NTM: variants seen among roughly 807,000 people sequenced by gnomAD.
NTM encodes IgLON family member 2.
A neutral mutation model predicts 42.1 loss-of-function variants in NTM; 13 were observed. That is an observed-to-expected ratio of 0.31 (90% CI 0.20 to 0.49). The LOEUF (loss-of-function observed/expected upper bound fraction) is 0.49. Among genes scored for constraint, NTM ranks in the 20% least tolerant of loss-of-function variants. The probability of loss-of-function intolerance (pLI) is 0.99; values close to 1 mark genes in which losing one functional copy is unlikely to be tolerated. For missense variants in NTM, 373 were observed against 452.8 expected, an observed-to-expected ratio of 0.82 and a Z score of 1.60; for synonymous variants, 187 against 179.2, an observed-to-expected ratio of 1.04 and a Z score of -0.35.
At chr11:131,750,912 G>T (rs982301400) in intron 1 of NTM, among the ~76,000 whole-genome samples, 1 of 152,074 alleles carries the variant, frequency 6.6e-6, no homozygotes, top group African/African-American at 2.4e-5. Context: ...CTCCTCCCCT[G>T]CCTCGGTGTT....
intron 1 of NTM, among the ~76,000 whole-genome samples, chr11:131,533,514 A>G (rs2136691899): frequency 6.6e-6 from 1 of 152,302 alleles, no homozygotes; most frequent in Non-Finnish European, 1.5e-5. Flanking sequence ...TGACTCAATC[A>G]GGAAAAGCAA....
At chr11:132,202,277 T>C (rs1218651080) in intron 3 of NTM, among the ~76,000 whole-genome samples, 1 of 152,108 alleles carries the variant, frequency 6.6e-6, no homozygotes, top group African/African-American at 2.4e-5. Flanking sequence ...ACGGTGAGGA[T>C]TTACAAGGGA....
chr11:132,335,383 T>C lies in NTM; in HGVS notation c.*237T>C. 2.1e-6 allele frequency: 1 copy of C among 484,848 alleles called. No individual in the cohort carries two copies. Among genetic ancestry groups the C allele is most frequent in the South Asian group, 2.3e-5 (1 of 44,440 alleles). The allele number at this position is 484,848 out of a possible 1,614,324, so 30.0% of individuals were successfully genotyped here. A position where few individuals can be genotyped will look rare whatever the true frequency, so the allele number is the denominator to read the frequency against. ...ATTTAGGTACAATGGAGTTTTCTTT[T>C]CCCAAACGGGAAGAACACAGCACAC... is the stretch of plus-strand genomic sequence containing the variant. On this transcript the variant is annotated 3_prime_UTR_variant, in exon 9 of 9. Coordinates refer to ENST00000683400, the MANE Select transcript of NTM (RefSeq NM_001352005.2).
chr11:132,108,580 T>C (rs555821595), intron 2 of NTM, among the ~76,000 whole-genome samples: 1 of 152,176 alleles, frequency 6.6e-6, no homozygotes, highest in East Asian at 1.9e-4. Flanking sequence ...GCATGCAGTG[T>C]ACACTGTTCG....
At chr11:131,560,208 C>CT (rs1218129802) in intron 1 of NTM, among the ~76,000 whole-genome samples, 1 of 152,170 alleles carries the variant, frequency 6.6e-6, no homozygotes, top group Non-Finnish European at 1.5e-5. Flanking sequence ...TTCAGTCACA[C>CT]TTTTTGCTTG....
intron 1 of NTM, among the ~76,000 whole-genome samples, chr11:131,473,192 T>A (rs1048141395): frequency 6.6e-6 from 1 of 152,094 alleles, no homozygotes; most frequent in Non-Finnish European, 1.5e-5. Context: ...CCCCTCATTA[T>A]TTGGGGCTTG....
chr11:132,018,098 C>G (rs1258077011), intron 2 of NTM, among the ~76,000 whole-genome samples: 1 of 151,360 alleles, frequency 6.6e-6, no homozygotes, highest in East Asian at 1.9e-4. Flanking sequence ...AATCCTTTTC[C>G]TTCTTTGTCC....
intron 3 of NTM, among the ~76,000 whole-genome samples, chr11:132,170,585 G>A (rs1566367409): frequency 2.0e-5 from 3 of 152,260 alleles, no homozygotes; most frequent in South Asian, 4.1e-4. Flanking sequence ...TACTGTCTAT[G>A]TAAATGTCTA....
chr11:131,852,707 T>C (rs1363225390), intron 1 of NTM, among the ~76,000 whole-genome samples: 2 of 152,154 alleles, frequency 1.3e-5, no homozygotes, highest in Non-Finnish European at 2.9e-5. Context: ...AGGAAGGATA[T>C]ATAATTTGTC....
At chr11:132,117,411 G>A (rs1167567456) in intron 2 of NTM, among the ~76,000 whole-genome samples, 1 of 152,214 alleles carries the variant, frequency 6.6e-6, no homozygotes, top group Non-Finnish European at 1.5e-5. Context: ...CTGGCCATGT[G>A]ATGGACAATA....
intron 1 of NTM, among the ~76,000 whole-genome samples, chr11:131,486,334 T>C (rs890957356): frequency 2.0e-5 from 3 of 152,188 alleles, no homozygotes; most frequent in South Asian, 2.1e-4. Context: ...AGCAGAGTCA[T>C]CTACGGCATG....
At chr11:131,782,612 C>A (rs190696111) in intron 1 of NTM, among the ~76,000 whole-genome samples, 4 of 152,136 alleles carry the variant, frequency 2.6e-5, no homozygotes, top group Admixed American at 2.6e-4. Context: ...CAATGTATTA[C>A]ACAATTAAAT....
At chr11:131,642,470 T>C (rs1346535945) in intron 1 of NTM, among the ~76,000 whole-genome samples, 1 of 152,164 alleles carries the variant, frequency 6.6e-6, no homozygotes, top group Non-Finnish European at 1.5e-5. Flanking sequence ...GGAGGACAAA[T>C]TGGATTTGCT....
At chr11:132,327,448 T>G (rs1342522060) in intron 7 of NTM, among the ~76,000 whole-genome samples, 2 of 152,238 alleles carry the variant, frequency 1.3e-5, no homozygotes, top group Non-Finnish European at 2.9e-5. Flanking sequence ...CTGCAGAGGA[T>G]TAAAGACAGT....
chr11:131,701,227 G>A (rs546581644), intron 1 of NTM, among the ~76,000 whole-genome samples: 1 of 152,274 alleles, frequency 6.6e-6, no homozygotes, highest in South Asian at 2.1e-4. Flanking sequence ...CATGACTTGG[G>A]CAAGTTGGTG....
At chr11:132,057,854 T>G (rs2079950512) in intron 2 of NTM, among the ~76,000 whole-genome samples, 9 of 152,204 alleles carry the variant, frequency 5.9e-5, no homozygotes. Context: ...TTGGTTTGTT[T>G]GTGCCTCATC....
intron 3 of NTM, among the ~76,000 whole-genome samples, chr11:132,181,955 T>TTTATTATTATTATTATTATTA (rs56263428): frequency 2.8e-5 from 4 of 141,018 alleles, no homozygotes; most frequent in Non-Finnish European, 4.6e-5. Context: ...CACTATCTAG[T>TTTATTATTATTATTATTATTA]TTATTATTAT....
At chr11:131,628,697 G>C (rs1456888901) in intron 1 of NTM, among the ~76,000 whole-genome samples, 1 of 152,200 alleles carries the variant, frequency 6.6e-6, no homozygotes, top group Non-Finnish European at 1.5e-5. Flanking sequence ...CAGGAGTATT[G>C]GTGGTGCCTC....
chr11:131,450,974 G>C (rs896753126), intron 1 of NTM, among the ~76,000 whole-genome samples: 1 of 151,966 alleles, frequency 6.6e-6, no homozygotes, highest in Non-Finnish European at 1.5e-5. Flanking sequence ...CTCTTTCTGG[G>C]GTCCTCAAAC....
Sources: allele counts gnomAD v4.1 joint callset (sites outside exome capture counted in the v4.1 genomes callset), GRCh38; gene constraint gnomAD v4.1.1; transcripts MANE v1.5; gene names NCBI Gene and HGNC (gene_info 2026-07-23, HGNC 2026-07-21).